The following SLIT3 variants were observed in gnomAD, a reference collection of about 807,000 sequenced individuals.
SLIT3 encodes slit homolog 3 protein.
A neutral mutation model predicts 184.0 loss-of-function variants in SLIT3; 68 were observed. The ratio of observed to expected loss-of-function variants is 0.37; its 90% CI spans 0.30 to 0.45. The LOEUF (loss-of-function observed/expected upper bound fraction) is 0.45, where lower values mean the gene tolerates loss of function less well. Among genes scored for constraint, SLIT3 ranks in the 20% least tolerant of loss-of-function variants. The pLI, the probability that SLIT3 is intolerant of heterozygous loss-of-function variation, is 1.00. For synonymous variants in SLIT3, 831 were observed against 828.6 expected, an observed-to-expected ratio of 1.00 and a Z score of -0.05; for missense variants, 1,707 against 2,026.0, an observed-to-expected ratio of 0.84 and a Z score of 3.02.
intron 4 of SLIT3, among the ~76,000 whole-genome samples, chr5:168,989,687 T>C (rs1176549998): frequency 6.6e-6 from 1 of 152,118 alleles, no homozygotes; most frequent in East Asian, 1.9e-4. Flanking sequence ...AGGAAAGTAA[T>C]TGGTAGTCAC....
At chr5:169,216,778 TTC>T (rs1476979438) in intron 3 of SLIT3, among the ~76,000 whole-genome samples, 1 of 152,196 alleles carries the variant, frequency 6.6e-6, no homozygotes, top group Non-Finnish European at 1.5e-5. Flanking sequence ...AGTTTGTCTT[TTC>T]TCTCTTTTCC....
chr5:168,948,689 C>A (rs559357574), intron 4 of SLIT3, among the ~76,000 whole-genome samples: 1 of 152,266 alleles, frequency 6.6e-6, no homozygotes, highest in South Asian at 2.1e-4. Context: ...GGAACAAAGT[C>A]TAATGTGACC....
At chr5:169,276,387 C>T (rs970410930) in intron 1 of SLIT3, among the ~76,000 whole-genome samples, 2 of 152,178 alleles carry the variant, frequency 1.3e-5, no homozygotes, top group African/African-American at 4.8e-5. Context: ...CCATCTTCTT[C>T]CAAGAGCTGC....
intron 4 of SLIT3, among the ~76,000 whole-genome samples, chr5:168,897,905 C>A (rs547195688): frequency 6.6e-6 from 1 of 152,138 alleles, no homozygotes; most frequent in East Asian, 1.9e-4. Context: ...ACCCCCCCAC[C>A]TTTGCATCCA....
intron 4 of SLIT3, among the ~76,000 whole-genome samples, chr5:169,067,417 A>G (rs899974288): frequency 6.6e-6 from 1 of 152,100 alleles, no homozygotes; most frequent in African/African-American, 2.4e-5. Flanking sequence ...AAAAAAAATA[A>G]AACAACAACA....
At chr5:169,079,157 C>T (rs1290918973) in intron 4 of SLIT3, among the ~76,000 whole-genome samples, 2 of 152,168 alleles carry the variant, frequency 1.3e-5, no homozygotes, top group African/African-American at 2.4e-5. Flanking sequence ...CAATGAATCA[C>T]TGATGAATTC....
At chr5:169,258,733 T>A (rs1280345103) in intron 1 of SLIT3, among the ~76,000 whole-genome samples, 1 of 152,158 alleles carries the variant, frequency 6.6e-6, no homozygotes, top group Non-Finnish European at 1.5e-5. Context: ...AAAAATGACA[T>A]TTTCTAGGTC....
chr5:169,272,806 G>T (rs1210000341), intron 1 of SLIT3, among the ~76,000 whole-genome samples: 1 of 152,190 alleles, frequency 6.6e-6, no homozygotes, highest in East Asian at 1.9e-4. Context: ...GAGAGCAGCT[G>T]GCACTTCTGA....
chr5:168,692,870 C>G (rs565508808), intron 28 of SLIT3, among the ~76,000 whole-genome samples, 170 bp from the exon 29 acceptor site: 184 of 152,302 alleles, frequency 1.2e-3, no homozygotes, highest in Non-Finnish European at 2.0e-3. Flanking sequence ...TGTGTATCCT[C>G]CTGCACCTCT....
In SLIT3 at chr5:168,739,187, T is replaced by C. The variant is rs545686786; in HGVS notation, c.2270+9115A>G. Among the ~76,000 whole-genome samples, 9 of 152,248 alleles carry C rather than the reference T, an allele frequency of 5.9e-5. No individual in the cohort carries two copies. In the Middle Eastern group the frequency reaches 0.014, roughly 230 times the overall value. On this transcript the variant is annotated intron_variant, in intron 20 of 35. Transcript: ENST00000519560. ...AACTCAGTGAACCGATATTTTTCCA[T>C]TGACCAACACATGATATTACAAGAT...
intron 4 of SLIT3, among the ~76,000 whole-genome samples, chr5:168,929,307 T>C (rs773568315): frequency 3.3e-5 from 5 of 152,264 alleles, no homozygotes; most frequent in East Asian, 1.9e-4. Context: ...ATAATGGAGA[T>C]AGCTAACATT....
At chr5:168,851,729 T>A (rs529513473) in intron 5 of SLIT3, among the ~76,000 whole-genome samples, 48 of 152,308 alleles carry the variant, frequency 3.2e-4, no homozygotes, top group Admixed American at 7.8e-4. Flanking sequence ...GGGAAACAAA[T>A]CAATTCCAGG....
intron 5 of SLIT3, among the ~76,000 whole-genome samples, chr5:168,880,744 C>T (rs1406368492): frequency 6.6e-6 from 1 of 152,172 alleles, no homozygotes; most frequent in Non-Finnish European, 1.5e-5. Flanking sequence ...GAACCTAGAA[C>T]ACATGGAATT....
At chr5:169,109,554 T>A (rs1429977252) in intron 4 of SLIT3, among the ~76,000 whole-genome samples, 2 of 152,228 alleles carry the variant, frequency 1.3e-5, no homozygotes, top group African/African-American at 4.8e-5. Flanking sequence ...TTTAAGCTTC[T>A]AAGCTGGTAG....
intron 3 of SLIT3, among the ~76,000 whole-genome samples, chr5:169,224,385 AT>A (rs79007664): frequency 3.1e-5 from 2 of 64,794 alleles, no homozygotes; most frequent in Admixed American, 2.0e-4. Context: ...TTATTTATTT[AT>A]TTTTTTTGAG....
At chr5:168,872,011 G>C (rs1759540483) in intron 5 of SLIT3, among the ~76,000 whole-genome samples, 1 of 152,212 alleles carries the variant, frequency 6.6e-6, no homozygotes, top group Admixed American at 6.5e-5. Context: ...CTCTGAAGGA[G>C]AGACTTTCAC....
At position 168,995,833 on chromosome 5, in the gene SLIT3, C is replaced by T. The variant is rs373675366; in HGVS notation, c.414-112497G>A. Reference sequence around the variant, plus strand: ...ACAGCCCAACTCCTCAGTGGCAAGGCCAGCAGCCTTGGACATCTGGGCCTC... The same window carrying T: ...ACAGCCCAACTCCTCAGTGGCAAGGTCAGCAGCCTTGGACATCTGGGCCTC... On this transcript the variant is annotated intron_variant, in intron 4 of 35. Coordinates refer to ENST00000519560, the MANE Select transcript of SLIT3 (RefSeq NM_003062.4). 1.2e-4 allele frequency among the ~76,000 whole-genome samples: 19 copies of T among 152,324 alleles called. No individual in the cohort carries two copies. In the East Asian group the frequency reaches 2.1e-3, roughly 17 times the overall value.
chr5:169,288,788 G>A (rs962049510), intron 1 of SLIT3, among the ~76,000 whole-genome samples: 1 of 152,116 alleles, frequency 6.6e-6, no homozygotes. Flanking sequence ...GACATGGCTG[G>A]TATGAGGTTA....
chr5:168,929,791 T>C (rs867190214), intron 4 of SLIT3, among the ~76,000 whole-genome samples: 5 of 152,182 alleles, frequency 3.3e-5, no homozygotes, highest in South Asian at 2.1e-4. Flanking sequence ...GGGCTGTAGC[T>C]GAAAGAAGGT....
Sources: gnomAD v4.1 joint callset for allele counts (sites outside exome capture counted in the v4.1 genomes callset) on GRCh38, gnomAD v4.1.1 for gene constraint, MANE v1.5 for transcripts, NCBI Gene and HGNC (gene_info 2026-07-23, HGNC 2026-07-21) for gene names.